The following GRM8 variants were observed in gnomAD, a reference collection of about 807,000 sequenced individuals.
GRM8 encodes glutamate metabotropic receptor 8.
GRM8 carries 47 observed loss-of-function variants against 87.2 expected under a neutral mutation model. The ratio of observed to expected loss-of-function variants is 0.54; its 90% CI spans 0.43 to 0.69. The LOEUF (loss-of-function observed/expected upper bound fraction) is 0.69. GRM8 is among the 30% of genes least tolerant of loss of function. GRM8 has a pLI of 0.00. For missense variants in GRM8, 1,019 were observed against 1,139.2 expected, an observed-to-expected ratio of 0.89 and a Z score of 1.52; for synonymous variants, 396 against 404.5, an observed-to-expected ratio of 0.98 and a Z score of 0.25.
At position 126,526,963 on chromosome 7, in the gene GRM8, T is replaced by C. The variant is rs151025246; in HGVS notation, c.2430+5989A>G. Among the ~76,000 whole-genome samples, 1,049 of 152,334 alleles carry C rather than the reference T, an allele frequency of 6.9e-3. 5 individuals carry two copies. Among genetic ancestry groups the C allele is most frequent in the Middle Eastern group, 0.02 (6 of 294 alleles). ...TTGCAACAGTCTGGTATAATTGATC[T>C]TGTCCACAAAAAATCGACCGTAATA... On this transcript the variant is annotated intron_variant, in intron 9 of 10. Transcript: ENST00000339582.
intron 3 of GRM8, among the ~76,000 whole-genome samples, chr7:127,008,813 TG>T (rs1322659924): frequency 6.6e-6 from 1 of 152,116 alleles, no homozygotes; most frequent in Non-Finnish European, 1.5e-5. Flanking sequence ...TTCTATATAG[TG>T]AAAGTAAAAT....
At chr7:126,695,381 G>C (rs1463642209) in intron 7 of GRM8, among the ~76,000 whole-genome samples, 1 of 152,054 alleles carries the variant, frequency 6.6e-6, no homozygotes, top group Non-Finnish European at 1.5e-5. Flanking sequence ...TCATAGCATG[G>C]AGACCAGGCT....
chr7:127,041,483 C>T (rs753605671), intron 3 of GRM8, among the ~76,000 whole-genome samples: 3 of 152,262 alleles, frequency 2.0e-5, no homozygotes, highest in East Asian at 1.9e-4. Context: ...AATGATCAGA[C>T]GCTATGCTAT....
intron 7 of GRM8, among the ~76,000 whole-genome samples, chr7:126,692,121 G>C (rs1450539316): frequency 6.6e-6 from 1 of 152,154 alleles, no homozygotes; most frequent in Non-Finnish European, 1.5e-5. Context: ...AAAAGAAAAT[G>C]TTGCCCATTC....
At chr7:127,121,489 A>G (rs906362066) in intron 2 of GRM8, among the ~76,000 whole-genome samples, 2 of 152,210 alleles carry the variant, frequency 1.3e-5, no homozygotes, top group Non-Finnish European at 2.9e-5. Flanking sequence ...CAGGGGCTAC[A>G]GTGAGCATCT....
intron 3 of GRM8, chr7:127,058,209 T>G (rs1820210548): frequency 2.0e-6 from 1 of 489,158 alleles, no homozygotes; most frequent in African/African-American, 2.0e-5. Context: ...TCATCAGCAC[T>G]CCCCACAGCC....
At chr7:126,946,692 TACAGACCCAA>T (rs1205529779) in intron 3 of GRM8, among the ~76,000 whole-genome samples, 1 of 152,140 alleles carries the variant, frequency 6.6e-6, no homozygotes, top group Non-Finnish European at 1.5e-5. Flanking sequence ...CCACAGTGAC[TACAGACCCAA>T]ACTGAGACCA....
chr7:127,081,641 G>A (rs1023101743), intron 3 of GRM8, among the ~76,000 whole-genome samples: 11 of 152,038 alleles, frequency 7.2e-5, no homozygotes, highest in Non-Finnish European at 1.5e-5. Flanking sequence ...GAGGCAGAGG[G>A]AAAAAGGGAG....
At chr7:126,789,302 A>AC (rs1821011726) in intron 6 of GRM8, among the ~76,000 whole-genome samples, 1 of 151,146 alleles carries the variant, frequency 6.6e-6, no homozygotes, top group Non-Finnish European at 1.5e-5. Context: ...CAACAAAGGC[A>AC]TTTTTTTTTC....
intron 8 of GRM8, among the ~76,000 whole-genome samples, chr7:126,552,663 A>G (rs1792712496): frequency 6.6e-6 from 1 of 152,132 alleles, no homozygotes. Flanking sequence ...ACTATGTGTT[A>G]TTTGTTGGCC....
At chr7:126,969,856 G>T (rs1009555773) in intron 3 of GRM8, among the ~76,000 whole-genome samples, 1 of 152,130 alleles carries the variant, frequency 6.6e-6, no homozygotes, top group African/African-American at 2.4e-5. Context: ...GACTTGAGAG[G>T]TTAAGTTACT....
At chr7:126,663,936 T>C (rs1024170442) in intron 7 of GRM8, among the ~76,000 whole-genome samples, 3 of 152,162 alleles carry the variant, frequency 2.0e-5, no homozygotes, top group East Asian at 1.9e-4. Context: ...TAAATGACTT[T>C]AGTAAAGTGT....
At chr7:126,457,295 A>C (rs1466035988) in intron 9 of GRM8, among the ~76,000 whole-genome samples, 2 of 151,634 alleles carry the variant, frequency 1.3e-5, no homozygotes, top group African/African-American at 2.4e-5. Flanking sequence ...ATGATACAAA[A>C]TTTGAATAAA....
chr7:126,803,732 C>T (rs1249296469), intron 6 of GRM8, among the ~76,000 whole-genome samples: 8 of 152,194 alleles, frequency 5.3e-5, no homozygotes, highest in Non-Finnish European at 1.0e-4. Flanking sequence ...TCAAGAACTC[C>T]AGCCCCAGTA....
chr7:127,094,092 A>G (rs957304223), intron 3 of GRM8, among the ~76,000 whole-genome samples: 1 of 152,230 alleles, frequency 6.6e-6, no homozygotes, highest in African/African-American at 2.4e-5. Flanking sequence ...CCTATAAAAA[A>G]TGACATAAAT....
chr7:126,966,457 C>T (rs1039337960), intron 3 of GRM8, among the ~76,000 whole-genome samples: 2 of 152,052 alleles, frequency 1.3e-5, no homozygotes, highest in Non-Finnish European at 1.5e-5. Flanking sequence ...AAGTTGTTTG[C>T]AATTATTTCA....
At chr7:126,790,344 T>A (rs1050391496) in intron 6 of GRM8, among the ~76,000 whole-genome samples, 4 of 152,162 alleles carry the variant, frequency 2.6e-5, no homozygotes, top group Non-Finnish European at 5.9e-5. Context: ...AAAGATATTC[T>A]GCTTTTTAAA....
At chr7:127,167,785 C>T (rs879480380) in intron 2 of GRM8, among the ~76,000 whole-genome samples, 2 of 152,092 alleles carry the variant, frequency 1.3e-5, no homozygotes, top group Admixed American at 6.6e-5. Flanking sequence ...TTCCCTCAGA[C>T]ACAAGATTAA....
intron 3 of GRM8, among the ~76,000 whole-genome samples, chr7:127,058,363 A>T (rs1291987499): frequency 6.6e-6 from 1 of 152,202 alleles, no homozygotes; most frequent in East Asian, 1.9e-4. Context: ...AGAATTTGAA[A>T]GTTACAGCTT....
Sources: gnomAD v4.1 joint callset for allele counts (sites outside exome capture counted in the v4.1 genomes callset) on GRCh38, gnomAD v4.1.1 for gene constraint, MANE v1.5 for transcripts, NCBI Gene and HGNC (gene_info 2026-07-23, HGNC 2026-07-21) for gene names.